FARP1: variants seen among roughly 807,000 people sequenced by gnomAD.
FARP1 encodes FERM, ARH/RhoGEF and pleckstrin domain protein 1.
FARP1 carries 52 observed loss-of-function variants against 128.8 expected under a neutral mutation model. That is an observed-to-expected ratio of 0.40 (90% CI 0.32 to 0.51). The LOEUF (loss-of-function observed/expected upper bound fraction) is 0.51, where lower values mean the gene tolerates loss of function less well. Among genes scored for constraint, FARP1 ranks in the 20% least tolerant of loss-of-function variants. FARP1 has a pLI of 0.45. For missense variants in FARP1, 1,333 were observed against 1,367.9 expected, an observed-to-expected ratio of 0.97 and a Z score of 0.40; for synonymous variants, 580 against 551.8, an observed-to-expected ratio of 1.05 and a Z score of -0.72.
chr13:98,407,983 C>T (rs1891044291), intron 13 of FARP1, among the ~76,000 whole-genome samples: 1 of 152,334 alleles, frequency 6.6e-6, no homozygotes, highest in East Asian at 1.9e-4. Flanking sequence ...GAAAACCGCC[C>T]TCCACCTTTT....
At chr13:98,156,112 C>T (rs1384868052) in intron 1 of FARP1, among the ~76,000 whole-genome samples, 1 of 152,070 alleles carries the variant, frequency 6.6e-6, no homozygotes, top group African/African-American at 2.4e-5. Flanking sequence ...TGAATAATGC[C>T]CATTATGATA....
At chr13:98,231,969 A>G (rs1198074097) in intron 2 of FARP1, among the ~76,000 whole-genome samples, 4 of 151,898 alleles carry the variant, frequency 2.6e-5, no homozygotes, top group East Asian at 1.9e-4. Flanking sequence ...CTGGGATTAC[A>G]GGTACTCGTC....
chr13:98,302,781 G>C (rs1355907105), intron 2 of FARP1, among the ~76,000 whole-genome samples: 1 of 152,200 alleles, frequency 6.6e-6, no homozygotes, highest in Non-Finnish European at 1.5e-5. Context: ...TGGGACCAGA[G>C]TAGGGGCAGG....
intron 2 of FARP1, among the ~76,000 whole-genome samples, chr13:98,318,132 C>CA (rs1459742434): frequency 6.9e-6 from 1 of 144,430 alleles, no homozygotes; most frequent in African/African-American, 2.5e-5. Flanking sequence ...TGCAGTGGCA[C>CA]AATCATGGCT....
chr13:98,300,926 C>A (rs1247403730), intron 2 of FARP1, among the ~76,000 whole-genome samples: 2 of 152,142 alleles, frequency 1.3e-5, no homozygotes, highest in Non-Finnish European at 2.9e-5. Context: ...TGACAAAGCC[C>A]CTGCCTGGAT....
intron 18 of FARP1, chr13:98,432,057 C>T (rs1373088097): frequency 6.6e-6 from 1 of 152,212 alleles, no homozygotes; most frequent in Non-Finnish European, 1.5e-5. Context: ...TAACTCTTCC[C>T]AAGCCTCAGG....
intron 13 of FARP1, chr13:98,397,637 A>G (rs2140080075): frequency 6.6e-6 from 1 of 152,302 alleles, no homozygotes; most frequent in South Asian, 2.1e-4. Flanking sequence ...ATTTTCTGAG[A>G]TATTTTAAAA....
intron 2 of FARP1, among the ~76,000 whole-genome samples, chr13:98,228,168 G>C (rs1326459830): frequency 6.6e-6 from 1 of 152,240 alleles, no homozygotes; most frequent in African/African-American, 2.4e-5. Flanking sequence ...AGACTAGTCT[G>C]ACCAACATGG....
chr13:98,221,494 A>G (rs549940561), intron 2 of FARP1, among the ~76,000 whole-genome samples: 29 of 152,326 alleles, frequency 1.9e-4, no homozygotes, highest in East Asian at 1.5e-3. Flanking sequence ...TGGAAGGTCT[A>G]TAAGAACCAA....
chr13:98,385,167 C>T (rs530260153), intron 7 of FARP1, among the ~76,000 whole-genome samples: 3 of 152,294 alleles, frequency 2.0e-5, no homozygotes, highest in African/African-American at 4.8e-5. Context: ...GTCAGAGTAT[C>T]GTGAAAATCC....
At position 98,414,078 on chromosome 13, in the gene FARP1, A is replaced by C. The variant is rs1364717686; in HGVS notation, c.1826+2044A>C. 3.9e-5 allele frequency among the ~76,000 whole-genome samples: 6 copies of C among 152,310 alleles called. No homozygotes were observed. The East Asian group carries it at 1.2e-3, about 29-fold the overall frequency. On this transcript the variant is annotated intron_variant, in intron 16 of 26. Transcript: ENST00000319562. ...TGCAGAGAGCTGTCTAATACGACTC[A>C]TTTTAGGAGTAAATGCCGTACGCGT...
At chr13:98,395,148 C>T in intron 12 of FARP1, 79 bp from the exon 13 acceptor site, 1 of 1,492,590 alleles carries the variant, frequency 6.7e-7, no homozygotes. Flanking sequence ...TTGCCTGGCT[C>T]TCCTTTTCTG....
chr13:98,409,670 A>G (rs1384818209), intron 14 of FARP1, 145 bp downstream of exon 14: 1 of 634,710 alleles, frequency 1.6e-6, no homozygotes, highest in African/African-American at 1.8e-5. Flanking sequence ...CATTAAGTAC[A>G]TTCATGTTGT....
intron 2 of FARP1, chr13:98,331,758 A>G (rs1043733876): frequency 1.1e-4 from 17 of 152,150 alleles, no homozygotes; most frequent in African/African-American, 4.1e-4. Flanking sequence ...CAGGCAGGCC[A>G]GGAGACCTGC....
intron 14 of FARP1, among the ~76,000 whole-genome samples, chr13:98,409,914 T>G (rs1891125064): frequency 6.6e-6 from 1 of 152,254 alleles, no homozygotes; most frequent in Admixed American, 6.5e-5. Flanking sequence ...ATCATCCATA[T>G]GTAGCATGGG....
chr13:98,145,913 G>GTTTTGTTTTA lies in FARP1; in HGVS notation c.-24+2430_-24+2431insATTTTGTTTT, dbSNP rs1163547291. ...AGGAACTGCCCAAGGAAATTGTTTT[G>GTTTTGTTTTA]TTTTGTTTTTTGGTTAAAGATACAA... On this transcript the variant is annotated intron_variant, in intron 1 of 26. Transcript: ENST00000319562. Among the ~76,000 whole-genome samples, 7 of 150,506 alleles carry GTTTTGTTTTA rather than the reference G, an allele frequency of 4.7e-5. No individual in the cohort carries two copies. In the Middle Eastern group the frequency reaches 0.01, roughly 226 times the overall value.
At chr13:98,197,600 A>G (rs1286521953) in intron 1 of FARP1, among the ~76,000 whole-genome samples, 1 of 152,070 alleles carries the variant, frequency 6.6e-6, no homozygotes, top group East Asian at 1.9e-4. Context: ...TCAGCAGAAA[A>G]TGGTAGAGGG....
intron 13 of FARP1, chr13:98,401,046 A>C (rs1890741378): frequency 6.6e-6 from 1 of 152,200 alleles, no homozygotes; most frequent in African/African-American, 2.4e-5. Flanking sequence ...GCCATTTAAA[A>C]ATAATCCGTT....
intron 24 of FARP1, among the ~76,000 whole-genome samples, chr13:98,441,203 G>T (rs1892509515): frequency 6.6e-6 from 1 of 152,218 alleles, no homozygotes; most frequent in South Asian, 2.1e-4. Flanking sequence ...TGGCTGTCAT[G>T]TCCTGAACCG....
Sources: gnomAD v4.1 joint callset for allele counts (sites outside exome capture counted in the v4.1 genomes callset) on GRCh38, gnomAD v4.1.1 for gene constraint, MANE v1.5 for transcripts, NCBI Gene and HGNC (gene_info 2026-07-23, HGNC 2026-07-21) for gene names.